Variants in LRFN5 observed in about 807,000 individuals in gnomAD.
LRFN5 encodes leucine rich repeat and fibronectin type III domain containing 5, also known as leucine-rich repeat and fibronectin type-III domain-containing protein 5.
A neutral mutation model predicts 45.6 loss-of-function variants in LRFN5; 24 were observed. The observed-to-expected ratio is 0.53, with a 90% CI of 0.38 to 0.74. The LOEUF (loss-of-function observed/expected upper bound fraction) is 0.74. Among genes scored for constraint, LRFN5 ranks in the 30% least tolerant of loss-of-function variants. The pLI, the probability that LRFN5 is intolerant of heterozygous loss-of-function variation, is 0.00. For missense variants in LRFN5, 776 were observed against 861.5 expected (o/e 0.90, Z 1.24); for synonymous variants, 340 against 313.8 (o/e 1.08, Z -0.88).
In LRFN5 at chr14:41,670,219, A is replaced by G. The variant is rs1278261171; in HGVS notation, c.-197+61657A>G. Among the ~76,000 whole-genome samples, 835 of 134,196 alleles carry G rather than the reference A, an allele frequency of 6.2e-3. 25 individuals carry two copies. The highest frequency in any genetic ancestry group is 0.021 in the African/African-American group (773 of 36,548). The allele number at this position is 134,196 out of a possible 152,430, so 88.0% of individuals were successfully genotyped here. A position where few individuals can be genotyped will look rare whatever the true frequency, so the allele number is the denominator to read the frequency against. On this transcript the variant is annotated intron_variant, in intron 1 of 5. Coordinates refer to ENST00000298119, the MANE Select transcript of LRFN5 (RefSeq NM_152447.5). ...ATACATTCTCTGTGTGTGTGTGTAT[A>G]TATATGTATACACACACACACACAC...
Position 41,834,972 on chromosome 14 carries a change from C to A in LRFN5, c.-20-51634C>A, listed in dbSNP as rs545510002. Among the ~76,000 whole-genome samples, 16 of 148,518 alleles carry A rather than the reference C, an allele frequency of 1.1e-4. No individual in the cohort carries two copies. The South Asian group carries it at 3.4e-3, about 32-fold the overall frequency. ...GCCACCACACCCAGCCTGGGACTGACATTTGAATGTTAGTCTCCAGTGAAT... is the reference window on the plus strand; with the variant it reads ...GCCACCACACCCAGCCTGGGACTGAAATTTGAATGTTAGTCTCCAGTGAAT... On this transcript the variant is annotated intron_variant, in intron 2 of 5. Transcript: ENST00000298119.
intron 1 of LRFN5, among the ~76,000 whole-genome samples, chr14:41,663,353 A>G (rs1880743617): frequency 6.6e-6 from 1 of 152,016 alleles, no homozygotes; most frequent in Non-Finnish European, 1.5e-5. Context: ...AGAAAAGCCA[A>G]CCAGAAGGTC....
intron 2 of LRFN5, among the ~76,000 whole-genome samples, chr14:41,879,757 T>C (rs1455576404): frequency 2.2e-5 from 2 of 92,124 alleles, no homozygotes; most frequent in Non-Finnish European, 4.7e-5. Context: ...CTATTAGTAG[T>C]TTGGTAATTT....
At chr14:41,815,598 T>C (rs1887889996) in intron 2 of LRFN5, among the ~76,000 whole-genome samples, 1 of 151,854 alleles carries the variant, frequency 6.6e-6, no homozygotes, top group Non-Finnish European at 1.5e-5. Flanking sequence ...CTTAGCCAGG[T>C]GTGGCGGTGC....
At chr14:41,613,077 GCTGT>G (rs1407910137) in intron 1 of LRFN5, among the ~76,000 whole-genome samples, 2 of 152,064 alleles carry the variant, frequency 1.3e-5, no homozygotes, top group Non-Finnish European at 2.9e-5. Context: ...ATATAACTCT[GCTGT>G]CTATCATTTT....
At chr14:41,774,353 G>A (rs370785353) in intron 2 of LRFN5, among the ~76,000 whole-genome samples, 1 of 152,290 alleles carries the variant, frequency 6.6e-6, no homozygotes, top group African/African-American at 2.4e-5. Flanking sequence ...TAGAATTTCT[G>A]TGTAAACTGA....
chr14:41,771,060 T>C lies in LRFN5; in HGVS notation c.-21+4031T>C, dbSNP rs186227342. 6.4e-3 allele frequency among the ~76,000 whole-genome samples: 975 copies of C among 152,010 alleles called. 4 individuals carry two copies. The highest frequency in any genetic ancestry group is 0.023 in the South Asian group (111 of 4,822). ...AGGCTTGTGCCTTCTGGAGCTGTGG[T>C]TTGAGCTGTACTTGGGCCCCTTTGA... On this transcript the variant is annotated intron_variant, in intron 2 of 5. Transcript: ENST00000298119.
intron 1 of LRFN5, among the ~76,000 whole-genome samples, chr14:41,738,174 G>T (rs1271908297): frequency 6.6e-6 from 1 of 152,032 alleles, no homozygotes; most frequent in Non-Finnish European, 1.5e-5. Context: ...CAAAACAGAA[G>T]CCTCGGAAAT....
At chr14:41,800,589 T>A (rs1394932256) in intron 2 of LRFN5, among the ~76,000 whole-genome samples, 2 of 151,794 alleles carry the variant, frequency 1.3e-5, no homozygotes, top group Non-Finnish European at 2.9e-5. Flanking sequence ...ACTACTTTAT[T>A]TAATATGAAT....
chr14:41,889,166 GT>G (rs1389673672), intron 3 of LRFN5, among the ~76,000 whole-genome samples: 1 of 150,596 alleles, frequency 6.6e-6, no homozygotes, highest in African/African-American at 2.4e-5. Flanking sequence ...GATCAGATCA[GT>G]TCCTATGTAC....
At chr14:41,796,166 C>G (rs1487639668) in intron 2 of LRFN5, among the ~76,000 whole-genome samples, 3 of 151,768 alleles carry the variant, frequency 2.0e-5, no homozygotes, top group Non-Finnish European at 4.4e-5. Flanking sequence ...CTGAGTAATT[C>G]TTTGAATAAA....
chr14:41,715,156 A>T lies in LRFN5; in HGVS notation c.-196-51698A>T, dbSNP rs562034661. Among the ~76,000 whole-genome samples the T allele has an allele frequency of 1.8e-4, 28 of 152,330 alleles. No homozygotes were observed. The South Asian group carries it at 5.8e-3, about 32-fold the overall frequency. On this transcript the variant is annotated intron_variant, in intron 1 of 5. Transcript: ENST00000298119. ...TAGAGAGAAAATTGAAACAAATTGG[A>T]GAGAAAACATCTTCAAAATCTTGTG...
chr14:41,739,531 C>A (rs949814284), intron 1 of LRFN5, among the ~76,000 whole-genome samples: 15 of 150,850 alleles, frequency 9.9e-5, no homozygotes, highest in Non-Finnish European at 1.3e-4. Flanking sequence ...AAAATGGAAA[C>A]ACAATATACC....
intron 1 of LRFN5, among the ~76,000 whole-genome samples, chr14:41,629,469 G>A (rs1308634117): frequency 6.6e-6 from 1 of 151,996 alleles, no homozygotes; most frequent in East Asian, 1.9e-4. Context: ...AAAGTTTCTT[G>A]CATTTACTTA....
intron 1 of LRFN5, among the ~76,000 whole-genome samples, chr14:41,630,039 A>T (rs1031387825): frequency 1.1e-4 from 17 of 152,090 alleles, no homozygotes; most frequent in African/African-American, 4.1e-4. Context: ...TTATCCAAGT[A>T]CCTAGAAAGG....
At chr14:41,647,354 G>T (rs1879866890) in intron 1 of LRFN5, among the ~76,000 whole-genome samples, 2 of 152,136 alleles carry the variant, frequency 1.3e-5, no homozygotes. Context: ...GCCACCCAAA[G>T]AAGTTTGGGC....
chr14:41,843,947 T>C lies in LRFN5; in HGVS notation c.-20-42659T>C, dbSNP rs535938729. 2.0e-5 allele frequency among the ~76,000 whole-genome samples: 3 copies of C among 152,302 alleles called. No homozygotes were observed. The East Asian group carries it at 5.8e-4, about 29-fold the overall frequency. On this transcript the variant is annotated intron_variant, in intron 2 of 5. Transcript: ENST00000298119. Reference sequence around the variant, plus strand: ...AATAAAATTTTAATGGTCACTGTTATAGAAATAGCTTATGCAAAATAATAA... The same window carrying C: ...AATAAAATTTTAATGGTCACTGTTACAGAAATAGCTTATGCAAAATAATAA...
chr14:41,639,562 T>C (rs1413534849), intron 1 of LRFN5, among the ~76,000 whole-genome samples: 1 of 152,116 alleles, frequency 6.6e-6, no homozygotes, highest in Non-Finnish European at 1.5e-5. Flanking sequence ...AAACTTGACC[T>C]ACCTACCTCA....
chr14:41,842,133 G>A (rs1430089797), intron 2 of LRFN5, among the ~76,000 whole-genome samples: 1 of 151,850 alleles, frequency 6.6e-6, no homozygotes, highest in Non-Finnish European at 1.5e-5. Context: ...TGTTGTTTTT[G>A]GCTTTTCCAG....
Sources: gnomAD v4.1 joint callset for allele counts (sites outside exome capture counted in the v4.1 genomes callset) on GRCh38, gnomAD v4.1.1 for gene constraint, MANE v1.5 for transcripts, NCBI Gene and HGNC (gene_info 2026-07-23, HGNC 2026-07-21) for gene names.